Variants in SBF2 observed in about 807,000 individuals in gnomAD.
The protein encoded by SBF2 is SET binding factor 2.
Under a neutral mutation model 225.2 loss-of-function variants are expected in SBF2, and 112 were observed. That is an observed-to-expected ratio of 0.50 (90% CI 0.43 to 0.58). The LOEUF (loss-of-function observed/expected upper bound fraction) is 0.58. Ranked by LOEUF, SBF2 falls within the 20% of genes least tolerant of loss-of-function variation. The probability of loss-of-function intolerance (pLI) is 0.00; values close to 1 mark genes in which losing one functional copy is unlikely to be tolerated. For missense variants in SBF2, 1,996 were observed against 2,206.2 expected (o/e 0.90, Z 1.91); for synonymous variants, 763 against 773.3 (o/e 0.99, Z 0.22).
chr11:9,976,687 C>T (rs1204155847), intron 13 of SBF2, among the ~76,000 whole-genome samples: 1 of 152,024 alleles, frequency 6.6e-6, no homozygotes, highest in African/African-American at 2.4e-5. Flanking sequence ...ATTGCAGATG[C>T]AAAACAAATT....
chr11:9,802,739 A>T (rs987664732), intron 32 of SBF2, among the ~76,000 whole-genome samples: 25 of 152,242 alleles, frequency 1.6e-4, no homozygotes, highest in Admixed American at 2.0e-4. Context: ...TATGTCGAAG[A>T]TGATGAAACA....
intron 17 of SBF2, among the ~76,000 whole-genome samples, chr11:9,862,370 T>G (rs536874479): frequency 6.6e-6 from 1 of 152,262 alleles, no homozygotes; most frequent in South Asian, 2.1e-4. Context: ...ATCTACAAAT[T>G]GCAAAAATGG....
At chr11:10,051,899 G>C (rs1950079685) in intron 2 of SBF2, among the ~76,000 whole-genome samples, 5 of 151,982 alleles carry the variant, frequency 3.3e-5, no homozygotes, top group Admixed American at 3.3e-4. Flanking sequence ...CATAGAATTT[G>C]GATTTCAAAT....
chr11:10,052,961 G>A (rs1259330804), intron 2 of SBF2, among the ~76,000 whole-genome samples: 2 of 152,058 alleles, frequency 1.3e-5, no homozygotes, highest in Non-Finnish European at 2.9e-5. Flanking sequence ...AATAAATTTT[G>A]TAACATGTAA....
intron 2 of SBF2, among the ~76,000 whole-genome samples, chr11:10,075,288 G>T (rs967441740): frequency 6.6e-6 from 1 of 152,170 alleles, no homozygotes; most frequent in Non-Finnish European, 1.5e-5. Context: ...ATGTAAACTG[G>T]TTAGCATTCT....
intron 17 of SBF2, among the ~76,000 whole-genome samples, chr11:9,884,844 CA>C: frequency 6.6e-6 from 1 of 152,140 alleles, no homozygotes; most frequent in East Asian, 1.9e-4. Flanking sequence ...GAAAACCTAA[CA>C]AAATAACTTA....
chr11:9,814,990 AACTG>A (rs371991662), intron 29 of SBF2, among the ~76,000 whole-genome samples: 219 of 152,292 alleles, frequency 1.4e-3, no homozygotes, highest in African/African-American at 4.8e-3. Flanking sequence ...ATGGAATTGT[AACTG>A]GATGGCATTG....
At chr11:9,930,893 C>A (rs975457814) in intron 16 of SBF2, among the ~76,000 whole-genome samples, 7 of 152,204 alleles carry the variant, frequency 4.6e-5, no homozygotes, top group African/African-American at 1.7e-4. Context: ...GACACTCCCA[C>A]CCAAATACTG....
At position 9,807,981 on chromosome 11, in the gene SBF2, T is replaced by C; in HGVS notation, c.4443+19A>G. On this transcript the variant is annotated intron_variant, in intron 32 of 39. Transcript: ENST00000256190. ...GTTCTTTCCTTCATATCAAGTCAAC[T>C]CAAGCTTGCTCTACTTACCTGGTGT... The C allele has an allele frequency of 6.2e-7, 1 of 1,612,050 alleles. No individual in the cohort carries two copies. The highest frequency in any genetic ancestry group is 1.3e-5 in the African/African-American group (1 of 74,986).
intron 16 of SBF2, among the ~76,000 whole-genome samples, chr11:9,903,479 G>A (rs1564979394): frequency 1.3e-5 from 2 of 152,184 alleles, no homozygotes; most frequent in African/African-American, 2.4e-5. Context: ...ATCCATATGC[G>A]TCTGCAGCAA....
intron 1 of SBF2, among the ~76,000 whole-genome samples, chr11:10,224,128 C>T (rs1026842254): frequency 4.6e-5 from 7 of 152,124 alleles, no homozygotes; most frequent in East Asian, 1.9e-4. Flanking sequence ...TCATGCAACA[C>T]CTTTTTCTTA....
chr11:10,205,061 T>G (rs1957706215), intron 1 of SBF2, among the ~76,000 whole-genome samples: 1 of 151,806 alleles, frequency 6.6e-6, no homozygotes, highest in Admixed American at 6.6e-5. Context: ...CTAATGCTTG[T>G]GGGGTTTAAT....
chr11:10,024,928 C>T (rs758295756), intron 6 of SBF2, among the ~76,000 whole-genome samples: 2 of 152,034 alleles, frequency 1.3e-5, no homozygotes, highest in Admixed American at 6.5e-5. Flanking sequence ...TTTCCTATTC[C>T]TCTATCTGAT....
intron 19 of SBF2, 89 bp from the exon 20 acceptor site, chr11:9,853,801 C>G: frequency 8.0e-7 from 1 of 1,248,124 alleles, no homozygotes; most frequent in Non-Finnish European, 1.2e-6. Context: ...GCGACAGAAA[C>G]ATGAGCAAAG....
intron 2 of SBF2, among the ~76,000 whole-genome samples, chr11:10,126,860 G>T (rs1953779836): frequency 6.6e-6 from 1 of 152,006 alleles, no homozygotes; most frequent in African/African-American, 2.4e-5. Context: ...TGTTTAAAAA[G>T]GAAAGAAATT....
At chr11:9,815,095 T>C (rs554963952) in intron 29 of SBF2, among the ~76,000 whole-genome samples, 7 of 152,102 alleles carry the variant, frequency 4.6e-5, no homozygotes, top group African/African-American at 1.7e-4. Context: ...ATGGAATATA[T>C]AGAATAGCTG....
rs572288002 is a variant in SBF2, at chr11:9,924,448, T to C, written c.1861-28437A>G. ...TTCTTATTTATTTATTTATTTATTTTTGAGACAGAGTCTCGCTCTGTTGCC... is the reference window on the plus strand; with the variant it reads ...TTCTTATTTATTTATTTATTTATTTCTGAGACAGAGTCTCGCTCTGTTGCC... On this transcript the variant is annotated intron_variant, in intron 16 of 39. Transcript: ENST00000256190. 6.6e-5 allele frequency among the ~76,000 whole-genome samples: 10 copies of C among 152,244 alleles called. No individual in the cohort carries two copies. In the East Asian group the frequency reaches 1.9e-3, roughly 29 times the overall value.
chr11:10,005,711 T>C (rs1004215522), intron 6 of SBF2, among the ~76,000 whole-genome samples: 2 of 152,170 alleles, frequency 1.3e-5, no homozygotes, highest in African/African-American at 4.8e-5. Flanking sequence ...AATGTTAACA[T>C]ACTTTGGTGC....
At chr11:10,025,937 T>G (rs1473129000) in intron 6 of SBF2, among the ~76,000 whole-genome samples, 1 of 152,118 alleles carries the variant, frequency 6.6e-6, no homozygotes, top group Non-Finnish European at 1.5e-5. Context: ...TCTTTTCAAG[T>G]TGTCATTGTT....
Sources: allele counts gnomAD v4.1 joint callset (sites outside exome capture counted in the v4.1 genomes callset), GRCh38; gene constraint gnomAD v4.1.1; transcripts MANE v1.5; gene names NCBI Gene and HGNC (gene_info 2026-07-23, HGNC 2026-07-21).